BMP7: variants seen among roughly 807,000 people sequenced by gnomAD.
BMP7 encodes the protein osteogenic protein 1.
In BMP7, 12 loss-of-function variants were observed where a neutral mutation model predicts 41.2. The ratio of observed to expected loss-of-function variants is 0.29; its 90% CI spans 0.19 to 0.47. The LOEUF (loss-of-function observed/expected upper bound fraction) is 0.47, where lower values mean the gene tolerates loss of function less well. Ranked by LOEUF, BMP7 falls within the 20% of genes least tolerant of loss-of-function variation. BMP7 has a pLI of 0.99. For missense variants in BMP7, 467 were observed against 606.0 expected (o/e 0.77, Z 2.41); for synonymous variants, 248 against 250.0 (o/e 0.99, Z 0.07).
chr20:57,176,750 TCACACA>T (rs60465573), intron 4 of BMP7, among the ~76,000 whole-genome samples: 1,737 of 135,496 alleles, frequency 0.013, 10 homozygotes, highest in African/African-American at 0.024. Flanking sequence ...CATTCTCCAT[TCACACA>T]CACACACACA....
At chr20:57,235,901 AG>A (rs2066045753) in intron 1 of BMP7, among the ~76,000 whole-genome samples, 1 of 151,942 alleles carries the variant, frequency 6.6e-6, no homozygotes, top group South Asian at 2.1e-4. Flanking sequence ...CCCTGTGGAA[AG>A]TGGATTATAG....
At chr20:57,207,188 G>C (rs1327892578) in intron 2 of BMP7, among the ~76,000 whole-genome samples, 5 of 152,094 alleles carry the variant, frequency 3.3e-5, no homozygotes, top group African/African-American at 1.2e-4. Flanking sequence ...TTGCCCTCTG[G>C]GAAGGAAGCC....
chr20:57,245,822 T>C (rs1400572631), intron 1 of BMP7, among the ~76,000 whole-genome samples: 2 of 151,680 alleles, frequency 1.3e-5, no homozygotes, highest in Non-Finnish European at 2.9e-5. Flanking sequence ...GTATTTTTAG[T>C]GGAGATGGGG....
intron 2 of BMP7, 81 bp from the exon 3 acceptor site, chr20:57,202,704 TCA>T: frequency 1.6e-6 from 1 of 606,250 alleles, no homozygotes. Flanking sequence ...AAGCAGAGCC[TCA>T]TGGGGTGGGA....
intron 3 of BMP7, among the ~76,000 whole-genome samples, chr20:57,187,698 G>C (rs529494517): frequency 6.6e-6 from 1 of 152,228 alleles, no homozygotes; most frequent in African/African-American, 2.4e-5. Flanking sequence ...ACAGAGACCG[G>C]GTCTCTCCTG....
intron 1 of BMP7, among the ~76,000 whole-genome samples, chr20:57,241,979 C>G (rs6070034): frequency 0.077 from 11,656 of 152,208 alleles, 620 homozygotes; most frequent in Non-Finnish European, 0.11. Flanking sequence ...AAAAATGGGC[C>G]GCAAGCACAT....
rs139244092 is a variant in BMP7 at position 57,241,799 on chromosome 20, A to G, written c.419-13378T>C. Reference sequence around the variant, plus strand: ...TTGTACCACAAGATTAAACACTTCAATGTCAACATGTGTGCAGTGTTGCTT... The same window carrying G: ...TTGTACCACAAGATTAAACACTTCAGTGTCAACATGTGTGCAGTGTTGCTT... On this transcript the variant is annotated intron_variant, in intron 1 of 6. Coordinates refer to ENST00000395863, the MANE Select transcript of BMP7 (RefSeq NM_001719.3). Among the ~76,000 whole-genome samples the G allele has an allele frequency of 2.7e-3, 411 of 152,302 alleles. 3 individuals are homozygous for G. Among genetic ancestry groups the G allele is most frequent in the Non-Finnish European group, 4.3e-3 (295 of 68,020 alleles).
chr20:57,238,570 G>A (rs2066056323), intron 1 of BMP7, among the ~76,000 whole-genome samples: 1 of 152,142 alleles, frequency 6.6e-6, no homozygotes, highest in Non-Finnish European at 1.5e-5. Context: ...CTTCCCGCCG[G>A]CAGTCGGGAA....
chr20:57,210,710 G>A (rs900964495), intron 2 of BMP7, among the ~76,000 whole-genome samples: 1 of 152,244 alleles, frequency 6.6e-6, no homozygotes, highest in Non-Finnish European at 1.5e-5. Context: ...GCCACACAGT[G>A]CACACTGTCT....
Position 57,174,221 on chromosome 20 carries a change from G to A in BMP7, c.1035+710C>T, listed in dbSNP as rs938523545. On this transcript the variant is annotated intron_variant, in intron 5 of 6. Coordinates refer to ENST00000395863, the MANE Select transcript of BMP7 (RefSeq NM_001719.3). The surrounding 1 kb of genome is among the most constrained non-coding windows in gnomAD (Gnocchi z 4.3). ...CCACCAGTTGCCCTGATGACCTCAT[G>A]ACAATACCCTCTCCAGGGATATTTG... Among the ~76,000 whole-genome samples the A allele has an allele frequency of 6.6e-6, 1 of 152,100 alleles. No individual in the cohort carries two copies. The highest frequency in any genetic ancestry group is 2.4e-5 in the African/African-American group (1 of 41,416).
chr20:57,250,336 A>G (rs2066107136), intron 1 of BMP7, among the ~76,000 whole-genome samples: 1 of 131,128 alleles, frequency 7.6e-6, no homozygotes, highest in African/African-American at 2.8e-5. Flanking sequence ...TATAATATAT[A>G]ATATATATCT....
chr20:57,252,584 T>C (rs2066118096), intron 1 of BMP7, among the ~76,000 whole-genome samples: 1 of 152,210 alleles, frequency 6.6e-6, no homozygotes, highest in Non-Finnish European at 1.5e-5. Context: ...GTCAAGTATT[T>C]TGGTTCCCAG....
Position 57,170,671 on chromosome 20 carries a change from C to T in BMP7, c.*288G>A. The T allele has an allele frequency of 2.5e-6, 1 of 401,224 alleles. No individual in the cohort carries two copies. Among genetic ancestry groups the T allele is most frequent in the Non-Finnish European group, 4.7e-6 (1 of 212,076 alleles). The allele number at this position is 401,224 out of a possible 1,614,324, so 24.9% of individuals were successfully genotyped here. A position where few individuals can be genotyped will look rare whatever the true frequency, so the allele number is the denominator to read the frequency against. Reference sequence around the variant, plus strand: ...GAAACGAGTCCGTGCATGGCTGAGACTTCCCAGCCAATGACCTGGCCCGGC... The same window carrying T: ...GAAACGAGTCCGTGCATGGCTGAGATTTCCCAGCCAATGACCTGGCCCGGC... On this transcript the variant is annotated 3_prime_UTR_variant, in exon 7 of 7. Transcript: ENST00000395863.
intron 5 of BMP7, among the ~76,000 whole-genome samples, chr20:57,173,781 T>C (rs534569047): frequency 2.0e-5 from 3 of 152,260 alleles, no homozygotes. Context: ...CTACCCCCAC[T>C]AGGTGGTCAC....
At chr20:57,200,955 T>C (rs230197) in intron 3 of BMP7, among the ~76,000 whole-genome samples, 87,262 of 152,040 alleles carry the variant, frequency 0.57, 25,803 homozygotes, top group African/African-American at 0.7. Context: ...GAGCTGGGTA[T>C]GTCAGTTTTG....
chr20:57,217,283 A>G (rs1985054401), intron 2 of BMP7, among the ~76,000 whole-genome samples: 1 of 152,158 alleles, frequency 6.6e-6, no homozygotes, highest in Non-Finnish European at 1.5e-5. Context: ...AGAGCCTGCT[A>G]TTGAGGACAC....
chr20:57,250,538 C>CAAA (rs57036984), intron 1 of BMP7, among the ~76,000 whole-genome samples: 8 of 89,528 alleles, frequency 8.9e-5, no homozygotes, highest in African/African-American at 2.4e-4. Context: ...GACTCTGACT[C>CAAA]AAAAAAAAAA....
chr20:57,225,633 A>T (rs1284608739), intron 2 of BMP7, among the ~76,000 whole-genome samples: 1 of 152,220 alleles, frequency 6.6e-6, no homozygotes, highest in Non-Finnish European at 1.5e-5. Flanking sequence ...TAGCTGGGGA[A>T]TTACATCATA....
chr20:57,226,040 C>T (rs1037181249), intron 2 of BMP7: 1 of 443,012 alleles, frequency 2.3e-6, no homozygotes. Context: ...GCACCCCCAG[C>T]CCAAGTTGCC....
Sources: allele counts gnomAD v4.1 joint callset (sites outside exome capture counted in the v4.1 genomes callset), GRCh38; gene constraint gnomAD v4.1.1; non-coding constraint Gnocchi (gnomAD v3.1); transcripts MANE v1.5; gene names NCBI Gene and HGNC (gene_info 2026-07-23, HGNC 2026-07-21).